The following RAE1 variants were observed in gnomAD, a reference collection of about 807,000 sequenced individuals.
The protein encoded by RAE1 is ribonucleic acid export 1.
A neutral mutation model predicts 52.7 loss-of-function variants in RAE1; 13 were observed. The ratio of observed to expected loss-of-function variants is 0.25; its 90% CI spans 0.16 to 0.39. The LOEUF is 0.39. Ranked by LOEUF, RAE1 falls within the 10% of genes least tolerant of loss-of-function variation. The probability of loss-of-function intolerance (pLI) is 1.00; values close to 1 mark genes in which losing one functional copy is unlikely to be tolerated. For missense variants in RAE1, 262 were observed against 459.8 expected (o/e 0.57, Z 3.93); for synonymous variants, 164 against 153.1 (o/e 1.07, Z -0.52).
intron 5 of RAE1, among the ~76,000 whole-genome samples, chr20:57,366,410 C>A (rs938771478): frequency 2.0e-5 from 3 of 152,070 alleles, no homozygotes; most frequent in African/African-American, 7.2e-5. Flanking sequence ...TGGGGAATCC[C>A]AAGGGAGCAG....
intron 10 of RAE1, 73 bp downstream of exon 10, chr20:57,373,811 G>T (rs2067071508): frequency 6.8e-7 from 1 of 1,461,082 alleles, no homozygotes. Context: ...GGAATTGTGG[G>T]ATCAGAAAAG....
At chr20:57,366,077 T>C (rs2066950113) in intron 5 of RAE1, among the ~76,000 whole-genome samples, 3 of 152,196 alleles carry the variant, frequency 2.0e-5, no homozygotes, top group Admixed American at 2.0e-4. Context: ...AAACATCTCA[T>C]TGATCTCTTA....
At chr20:57,364,196 T>C (rs951500746) in intron 4 of RAE1, among the ~76,000 whole-genome samples, 2 of 152,260 alleles carry the variant, frequency 1.3e-5, no homozygotes, top group Admixed American at 1.3e-4. Flanking sequence ...AACTCTGCAG[T>C]TGAAGCAGGT....
intron 2 of RAE1, 29 bp downstream of exon 2, chr20:57,354,157 A>G (rs1243234838): frequency 6.3e-7 from 1 of 1,596,642 alleles, no homozygotes. Flanking sequence ...TGGGGCTTGT[A>G]GGAAGAGTTT....
In RAE1 at chr20:57,378,186, G is replaced by C; in HGVS notation, c.*87G>C. 9.1e-7 allele frequency: 1 copy of C among 1,103,798 alleles called. No homozygotes were observed. Among genetic ancestry groups the C allele is most frequent in the Non-Finnish European group, 1.3e-6 (1 of 767,918 alleles). 68.4% of individuals were successfully genotyped at this position (1,103,798 alleles called of 1,614,324 possible). A position where few individuals can be genotyped will look rare whatever the true frequency, so the allele number is the denominator to read the frequency against. On this transcript the variant is annotated 3_prime_UTR_variant, in exon 12 of 12. Transcript: ENST00000395841. ...ATTTGGGTCCCAGCCTTGTTGGGTTGTCAGCCATGGACATGGATTTCAACC... is the reference window on the plus strand; with the variant it reads ...ATTTGGGTCCCAGCCTTGTTGGGTTCTCAGCCATGGACATGGATTTCAACC...
chr20:57,364,359 G>C (rs1381412430), intron 4 of RAE1, among the ~76,000 whole-genome samples: 1 of 152,196 alleles, frequency 6.6e-6, no homozygotes, highest in African/African-American at 2.4e-5. Context: ...ATGAGATTGA[G>C]AGGCCAGTGT....
At chr20:57,356,386 T>G in intron 3 of RAE1, 60 bp from the exon 4 acceptor site, 1 of 1,392,368 alleles carries the variant, frequency 7.2e-7, no homozygotes, top group South Asian at 1.2e-5. Flanking sequence ...TTTTTAGGTG[T>G]TAAATGCAAG....
chr20:57,352,037 G>T, intron 1 of RAE1: 1 of 936,086 alleles, frequency 1.1e-6, no homozygotes, highest in Non-Finnish European at 1.3e-6. Context: ...TTCTGGGGGG[G>T]AAGAGATTTT....
intron 5 of RAE1, among the ~76,000 whole-genome samples, chr20:57,366,290 G>T (rs2066952628): frequency 6.6e-6 from 1 of 152,164 alleles, no homozygotes. Context: ...GTCCCTTCCT[G>T]CATTGCTATA....
chr20:57,356,558 T>C lies in RAE1; in HGVS notation c.288+20T>C. On this transcript the variant is annotated intron_variant, in intron 4 of 11. Coordinates refer to ENST00000395841, the MANE Select transcript of RAE1 (RefSeq NM_003610.4). ...AGTGACGTACGTTCCCTTCCATTTC[T>C]CGTGTTCCATTTTACTTAAAGTACA... The C allele has an allele frequency of 6.3e-7, 1 of 1,582,290 alleles. No homozygotes were observed. Among genetic ancestry groups the C allele is most frequent in the Non-Finnish European group, 8.7e-7 (1 of 1,153,120 alleles).
In RAE1 at chr20:57,373,695, G is replaced by A; in HGVS notation, c.782G>A (p.Arg261Gln). ...AKDNFTFKCH[R>Q]SNGTNTSAPQ... is the part of the protein sequence containing the mutation. ...GATAACTTCACCTTTAAATGTCATC[G>A]ATCTAATGGAACCAACACTTCAGCT... Residue 261 changes from arginine to glutamine, a missense_variant, in exon 10 of 12, where the codon CGA (arginine) becomes CAA (glutamine). Transcript: ENST00000395841. 2 of 1,614,050 alleles carry A rather than the reference G, an allele frequency of 1.2e-6. No homozygotes were observed. Among genetic ancestry groups the A allele is most frequent in the Non-Finnish European group, 1.7e-6 (2 of 1,179,978 alleles).
intron 8 of RAE1, among the ~76,000 whole-genome samples, chr20:57,370,762 G>C (rs60959888): frequency 6.6e-6 from 1 of 152,164 alleles, no homozygotes; most frequent in Admixed American, 6.5e-5. Flanking sequence ...TTGCCTACTA[G>C]AATGTAAACT....
intron 4 of RAE1, among the ~76,000 whole-genome samples, chr20:57,360,931 G>T (rs1018782358): frequency 3.3e-5 from 5 of 150,992 alleles, no homozygotes; most frequent in Non-Finnish European, 7.4e-5. Flanking sequence ...TGGGGTAGGG[G>T]TGTTTGCATG....
At chr20:57,359,912 G>A (rs1050567125) in intron 4 of RAE1, 1 of 152,010 alleles carries the variant, frequency 6.6e-6, no homozygotes. Context: ...AATTTCTATC[G>A]CCTATACTTT....
intron 5 of RAE1, among the ~76,000 whole-genome samples, chr20:57,366,457 AAG>A (rs1399475324): frequency 6.6e-6 from 1 of 152,190 alleles, no homozygotes; most frequent in East Asian, 1.9e-4. Flanking sequence ...AAAAGCAGGA[AAG>A]AGAGCTATGG....
intron 4 of RAE1, among the ~76,000 whole-genome samples, chr20:57,363,594 A>G (rs962832989): frequency 9.9e-5 from 15 of 152,216 alleles, no homozygotes; most frequent in Non-Finnish European, 8.8e-5. Context: ...CCTTGAGTCC[A>G]GGAACTGGAG....
intron 4 of RAE1, among the ~76,000 whole-genome samples, chr20:57,361,334 G>A (rs567122896): frequency 1.4e-4 from 22 of 152,284 alleles, no homozygotes; most frequent in Admixed American, 1.4e-3. Flanking sequence ...TATTGGGTAG[G>A]AGGAGCCTTA....
intron 8 of RAE1, among the ~76,000 whole-genome samples, chr20:57,370,745 CCTT>C (rs1212684001): frequency 1.3e-5 from 2 of 152,140 alleles, no homozygotes; most frequent in African/African-American, 4.8e-5. Context: ...TAAATATTTC[CCTT>C]CTTTTGCCTA....
chr20:57,374,521 C>T, intron 10 of RAE1, 86 bp from the exon 11 acceptor site: 3 of 1,255,686 alleles, frequency 2.4e-6, no homozygotes, highest in Non-Finnish European at 2.2e-6. Flanking sequence ...CGCTTTGTTT[C>T]CTAACTCAAG....
Sources: allele counts gnomAD v4.1 joint callset (sites outside exome capture counted in the v4.1 genomes callset), GRCh38; gene constraint gnomAD v4.1.1; transcripts MANE v1.5; gene names NCBI Gene and HGNC (gene_info 2026-07-23, HGNC 2026-07-21).